ABI1: variants seen among roughly 807,000 people sequenced by gnomAD.
The protein encoded by ABI1 is Abelson interactor 1.
Under a neutral mutation model 54.6 loss-of-function variants are expected in ABI1, and 14 were observed. That is an observed-to-expected ratio of 0.26 (90% CI 0.17 to 0.40). The LOEUF (loss-of-function observed/expected upper bound fraction) is 0.40. Ranked by LOEUF, ABI1 falls within the 10% of genes least tolerant of loss-of-function variation. The pLI is 1.00. For missense variants in ABI1, 443 were observed against 598.3 expected, an observed-to-expected ratio of 0.74 and a Z score of 2.71; for synonymous variants, 194 against 209.3, an observed-to-expected ratio of 0.93 and a Z score of 0.63.
At chr10:26,777,413 G>A (rs1185913982) in intron 2 of ABI1, among the ~76,000 whole-genome samples, 172 bp from the exon 3 acceptor site, 1 of 152,190 alleles carries the variant, frequency 6.6e-6, no homozygotes, top group Admixed American at 6.5e-5. Flanking sequence ...TTTAGTGGTG[G>A]TTTAAAGCAC....
intron 2 of ABI1, among the ~76,000 whole-genome samples, chr10:26,783,436 G>C (rs572827976): frequency 3.3e-5 from 5 of 152,254 alleles, no homozygotes; most frequent in Admixed American, 2.6e-4. Flanking sequence ...GGTTAAGATG[G>C]TGATCATATA....
Position 26,801,641 on chromosome 10 carries a change from A to T in ABI1, c.285+21497T>A, listed in dbSNP as rs548676767. 3.3e-5 allele frequency among the ~76,000 whole-genome samples: 5 copies of T among 152,342 alleles called. No individual in the cohort carries two copies. The South Asian group carries it at 1.0e-3, about 32-fold the overall frequency. On this transcript the variant is annotated intron_variant, in intron 2 of 10. Coordinates refer to ENST00000376140, the MANE Select transcript of ABI1 (RefSeq NM_001012750.3). Reference sequence around the variant, plus strand: ...GTTATTCTCAAACTGTTCAAAATAAAAAGCTCTTTTGTCCTATGCCTGTAA... The same window carrying T: ...GTTATTCTCAAACTGTTCAAAATAATAAGCTCTTTTGTCCTATGCCTGTAA...
chr10:26,813,987 C>T (rs1485049745), intron 2 of ABI1, among the ~76,000 whole-genome samples: 1 of 152,160 alleles, frequency 6.6e-6, no homozygotes, highest in Non-Finnish European at 1.5e-5. Flanking sequence ...ATCTGAGAAA[C>T]CAGAGCACTG....
intron 10 of ABI1, among the ~76,000 whole-genome samples, chr10:26,750,256 G>A (rs1203829531): frequency 6.6e-6 from 1 of 152,192 alleles, no homozygotes; most frequent in African/African-American, 2.4e-5. Context: ...AGCACAGGGA[G>A]GCTGAGATGG....
At position 26,747,045 on chromosome 10, in the gene ABI1, A is replaced by G. The variant is rs1564444081; in HGVS notation, c.*1525T>C. 4.3e-6 allele frequency: 1 copy of G among 230,424 alleles called. No homozygotes were observed. 14.3% of individuals were successfully genotyped at this position (230,424 alleles called of 1,614,324 possible). ...TACTTTGTTTGTTTAAAATTAACAA[A>G]GGCAAAATGCATATGAAATAGTCAC... On this transcript the variant is annotated 3_prime_UTR_variant, in exon 11 of 11. Transcript: ENST00000376140.
At chr10:26,836,909 G>A (rs2049121502) in intron 1 of ABI1, among the ~76,000 whole-genome samples, 2 of 152,242 alleles carry the variant, frequency 1.3e-5, no homozygotes, top group South Asian at 4.1e-4. Flanking sequence ...TTCATAAAAA[G>A]GGTCTTGGCT....
intron 2 of ABI1, among the ~76,000 whole-genome samples, chr10:26,817,102 C>T (rs111942283): frequency 0.038 from 5,725 of 151,708 alleles, 315 homozygotes; most frequent in African/African-American, 0.12. Flanking sequence ...CGAGTTGAGG[C>T]GATTCTCCTG....
intron 2 of ABI1, among the ~76,000 whole-genome samples, chr10:26,803,541 C>T (rs1338334456): frequency 2.0e-5 from 3 of 152,166 alleles, no homozygotes; most frequent in South Asian, 2.1e-4. Context: ...TTCTAATCTA[C>T]GTTATCCTTT....
chr10:26,801,620 T>A (rs865882225), intron 2 of ABI1, among the ~76,000 whole-genome samples: 1 of 152,130 alleles, frequency 6.6e-6, no homozygotes, highest in Non-Finnish European at 1.5e-5. Flanking sequence ...CAGCAAGTTA[T>A]TCTCAAACTG....
intron 1 of ABI1, among the ~76,000 whole-genome samples, chr10:26,849,539 A>C (rs910905483): frequency 6.6e-6 from 1 of 152,236 alleles, no homozygotes; most frequent in Non-Finnish European, 1.5e-5. Flanking sequence ...GAATAAGCCA[A>C]TTGTTCATGG....
In ABI1 at chr10:26,860,858, T is replaced by C; in HGVS notation, c.6A>G (p.Ala2=). 5 of 1,613,994 alleles carry C rather than the reference T, an allele frequency of 3.1e-6. No individual in the cohort carries two copies. Among genetic ancestry groups the C allele is most frequent in the Non-Finnish European group, 4.2e-6 (5 of 1,179,878 alleles). ...CCTCCTCTAGTAACATCTGCAGCTCTGCCATTTTCCACCCCTCTGCATCGC... is the reference window on the plus strand; with the variant it reads ...CCTCCTCTAGTAACATCTGCAGCTCCGCCATTTTCCACCCCTCTGCATCGC... M[A]ELQMLLEEEI... is the part of the protein sequence containing the mutation. Residue 2 remains alanine (A), a synonymous_variant, in exon 1 of 11, where the codon GCA becomes GCG. Coordinates refer to ENST00000376140, the MANE Select transcript of ABI1 (RefSeq NM_001012750.3). This position sits in a 1 kb window ranked among gnomAD's most constrained non-coding sequence, Gnocchi z 4.1.
At chr10:26,831,701 T>C (rs1368382737) in intron 1 of ABI1, among the ~76,000 whole-genome samples, 1 of 148,018 alleles carries the variant, frequency 6.8e-6, no homozygotes, top group Non-Finnish European at 1.5e-5. Flanking sequence ...TTTCAAAACA[T>C]AGAAATTATT....
At chr10:26,794,707 AAT>A (rs772922627) in intron 2 of ABI1, among the ~76,000 whole-genome samples, 10 of 152,118 alleles carry the variant, frequency 6.6e-5, no homozygotes, top group Non-Finnish European at 8.8e-5. Context: ...TAGAAAAATC[AAT>A]ATATGTTAGC....
chr10:26,846,603 A>C (rs1322703477), intron 1 of ABI1, among the ~76,000 whole-genome samples: 1 of 152,128 alleles, frequency 6.6e-6, no homozygotes, highest in Non-Finnish European at 1.5e-5. Flanking sequence ...TTGGCCTCCC[A>C]AAGTGCTGGG....
intron 1 of ABI1, among the ~76,000 whole-genome samples, chr10:26,832,759 C>T (rs2048769513): frequency 6.6e-6 from 1 of 151,984 alleles, no homozygotes; most frequent in South Asian, 2.1e-4. Flanking sequence ...TGGTTAGAGA[C>T]CTGAGAAACC....
intron 1 of ABI1, among the ~76,000 whole-genome samples, chr10:26,852,023 G>T (rs1181064492): frequency 1.3e-5 from 2 of 152,146 alleles, no homozygotes; most frequent in East Asian, 3.9e-4. Context: ...GGAGGGGCTT[G>T]GGGGGAAAGT....
intron 2 of ABI1, 26 bp from the exon 3 acceptor site, chr10:26,777,267 G>C: frequency 1.9e-6 from 3 of 1,565,208 alleles, no homozygotes; most frequent in Non-Finnish European, 2.6e-6. Context: ...AACAAAACAA[G>C]AAAATATTAT....
intron 3 of ABI1, among the ~76,000 whole-genome samples, chr10:26,771,625 G>A (rs1228186827): frequency 2.0e-5 from 3 of 152,078 alleles, no homozygotes. Flanking sequence ...CTAGTATCTC[G>A]ATGTTTAAAA....
Position 26,755,678 on chromosome 10 carries a change from A to G in ABI1, c.1061T>C (p.Phe354Ser). Reference protein sequence around the residue: ...QLTPQIPLTGFVARVQENIAD... With the variant: ...QLTPQIPLTGSVARVQENIAD... ...ACTGTTTTCCTGCACCCTGGCCACG[A>G]AGCCTGTGAGAGGTATCTGTGGAGT... is the stretch of plus-strand genomic sequence containing the variant. The change falls in exon 9 of 11, where the codon TTC becomes TCC. Residue 354 changes from phenylalanine (F) to serine (S), a missense_variant. Physicochemically the swap from Phe to Ser is radical, Grantham distance 155. This residue lies in a region of ABI1 where 394 missense variants were observed against 484.8 expected (regional missense o/e 0.81). Coordinates refer to ENST00000376140, the MANE Select transcript of ABI1 (RefSeq NM_001012750.3). 1 of 1,613,620 alleles carries G rather than the reference A, an allele frequency of 6.2e-7. No individual in the cohort carries two copies. The highest frequency in any genetic ancestry group is 8.5e-7 in the Non-Finnish European group (1 of 1,179,670).
Sources: allele counts gnomAD v4.1 joint callset (sites outside exome capture counted in the v4.1 genomes callset), GRCh38; gene constraint gnomAD v4.1.1; regional missense constraint gnomAD v4.1.1; non-coding constraint Gnocchi (gnomAD v3.1); transcripts MANE v1.5; gene names NCBI Gene and HGNC (gene_info 2026-07-23, HGNC 2026-07-21).